The following ICA1 variants were observed in gnomAD, a reference collection of about 807,000 sequenced individuals.
The protein encoded by ICA1 is 69 kDa islet cell autoantigen.
ICA1 carries 40 observed loss-of-function variants against 71.0 expected under a neutral mutation model. The observed-to-expected ratio is 0.56, with a 90% CI of 0.44 to 0.73. The LOEUF is 0.73. Among genes scored for constraint, ICA1 ranks in the 30% least tolerant of loss-of-function variants. ICA1 has a pLI of 0.00. For synonymous variants in ICA1, 207 were observed against 209.5 expected (o/e 0.99, Z 0.10); for missense variants, 578 against 576.5 (o/e 1.00, Z -0.03).
At chr7:8,189,330 T>C (rs1784836146) in intron 6 of ICA1, among the ~76,000 whole-genome samples, 2 of 152,180 alleles carry the variant, frequency 1.3e-5, no homozygotes, top group Non-Finnish European at 2.9e-5. Context: ...TTTAGTACAA[T>C]CCTATTGTCT....
chr7:8,235,840 T>C (rs374574753), intron 2 of ICA1, 70 bp downstream of exon 2: 89 of 1,485,150 alleles, frequency 6.0e-5, no homozygotes, highest in African/African-American at 9.7e-5. Context: ...TTCCATTCAA[T>C]AGATGTTTAT....
At chr7:8,114,068 A>G (rs1274490206) in intron 13 of ICA1, 24 bp from the exon 14 acceptor site, 1 of 1,614,028 alleles carries the variant, frequency 6.2e-7, no homozygotes, top group Admixed American at 1.7e-5. Flanking sequence ...AGGAAACATG[A>G]GCAAACGCAC....
intron 7 of ICA1, 190 bp from the exon 8 acceptor site, chr7:8,157,404 A>C: frequency 1.7e-6 from 1 of 586,042 alleles, no homozygotes; most frequent in Non-Finnish European, 2.9e-6. Flanking sequence ...CTGTTTCCCC[A>C]AATGCTGCCT....
chr7:8,130,778 G>A lies in ICA1; in HGVS notation c.1061-2636C>T, dbSNP rs567948914. On this transcript the variant is annotated intron_variant, in intron 12 of 13. Coordinates refer to ENST00000402384, the MANE Select transcript of ICA1 (RefSeq NM_001136020.3). The surrounding 1 kb of genome is among the most constrained non-coding windows in gnomAD (Gnocchi z 4.2). ...CATTAGCAAGAACAAATAATAAACT[G>A]TAAGCCTTCTAAAAATAACCACAGA... Among the ~76,000 whole-genome samples, 5 of 152,310 alleles carry A rather than the reference G, an allele frequency of 3.3e-5. No homozygotes were observed. Among genetic ancestry groups the A allele is most frequent in the African/African-American group, 1.2e-4 (5 of 41,566 alleles).
At chr7:8,125,969 G>A (rs1468344002) in intron 13 of ICA1, among the ~76,000 whole-genome samples, 2 of 152,182 alleles carry the variant, frequency 1.3e-5, no homozygotes, top group Admixed American at 6.5e-5. Context: ...AATTCCCCAT[G>A]GCCGCTGCCC....
intron 2 of ICA1, among the ~76,000 whole-genome samples, chr7:8,235,663 CAAGAG>C (rs1300359561): frequency 1.3e-5 from 2 of 152,058 alleles, no homozygotes; most frequent in African/African-American, 4.8e-5. Context: ...AGTAGGTTCC[CAAGAG>C]AAAAGTTACA....
intron 6 of ICA1, among the ~76,000 whole-genome samples, chr7:8,212,506 A>C (rs201414068): frequency 2.4e-4 from 1 of 4,228 alleles, no homozygotes; most frequent in Non-Finnish European, 3.3e-4. Flanking sequence ...CGGAGGTTGC[A>C]GTGAGCTGAG....
chr7:8,218,764 G>A lies in ICA1; in HGVS notation c.381-261C>T, dbSNP rs142549955. The A allele has an allele frequency of 1.8e-5, 9 of 496,064 alleles. No individual in the cohort carries two copies. The Admixed American group carries it at 3.0e-4, about 16-fold the overall frequency. The allele number at this position is 496,064 out of a possible 1,614,324, so 30.7% of individuals were successfully genotyped here. The stretch of plus-strand genomic sequence containing the variant: ...CAAGCACCTCCATCCGCGTTGTTGG[G>A]GGTGGTCTTGAGCCTGGGCTGAGTG... On this transcript the variant is annotated intron_variant, in intron 5 of 13. Coordinates refer to ENST00000402384, the MANE Select transcript of ICA1 (RefSeq NM_001136020.3).
At chr7:8,239,001 G>A (rs1242696847) in intron 1 of ICA1, among the ~76,000 whole-genome samples, 1 of 152,144 alleles carries the variant, frequency 6.6e-6, no homozygotes, top group Non-Finnish European at 1.5e-5. Flanking sequence ...ATGGCACACA[G>A]GGAAAATATT....
rs544981923 is a variant in ICA1 at position 8,182,008 on chromosome 7, G to C, written c.580-23356C>G. ...ATGGTAGTTACTTGCAAAGCTTATG[G>C]AAGAAAAACTCAATGCTCCAGTCAA... On this transcript the variant is annotated intron_variant, in intron 6 of 13. Coordinates refer to ENST00000402384, the MANE Select transcript of ICA1 (RefSeq NM_001136020.3). Among the ~76,000 whole-genome samples the C allele has an allele frequency of 2.0e-5, 3 of 152,210 alleles. No individual in the cohort carries two copies. In the East Asian group the frequency reaches 5.8e-4, roughly 29 times the overall value.
At chr7:8,239,072 A>AAG (rs1802830519) in intron 1 of ICA1, among the ~76,000 whole-genome samples, 2 of 152,058 alleles carry the variant, frequency 1.3e-5, no homozygotes, top group Admixed American at 6.5e-5. Context: ...CAAAGGAATC[A>AAG]TAAGTGGTCA....
rs539107859 is a variant in ICA1 at position 8,233,034 on chromosome 7, C to T, written c.18-279G>A. ...GAATGTAGATATAACAGACTAAGCACACCCCTTTTAGAGGTGGAGACAGTG... is the reference window on the plus strand; with the variant it reads ...GAATGTAGATATAACAGACTAAGCATACCCCTTTTAGAGGTGGAGACAGTG... On this transcript the variant is annotated intron_variant, in intron 2 of 13. Coordinates refer to ENST00000402384, the MANE Select transcript of ICA1 (RefSeq NM_001136020.3). Among the ~76,000 whole-genome samples the T allele has an allele frequency of 2.4e-5, 3 of 127,084 alleles. No homozygotes were observed. In the South Asian group the frequency reaches 6.8e-4, roughly 29 times the overall value. 83.4% of individuals were successfully genotyped at this position (127,084 alleles called of 152,430 possible). A position where few individuals can be genotyped will look rare whatever the true frequency, so the allele number is the denominator to read the frequency against.
Position 8,223,857 on chromosome 7 carries a change from A to G in ICA1, c.257-2459T>C, listed in dbSNP as rs1217167378. The stretch of plus-strand genomic sequence containing the variant: ...TGGGACTTGAGAATTCAGAGACAAA[A>G]ACATTTTTATATTTACTTGCTAATT... On this transcript the variant is annotated intron_variant, in intron 4 of 13. Transcript: ENST00000402384. The surrounding 1 kb of genome is among the most constrained non-coding windows in gnomAD (Gnocchi z 4.1). 6.6e-6 allele frequency among the ~76,000 whole-genome samples: 1 copy of G among 152,220 alleles called. No individual in the cohort carries two copies. The highest frequency in any genetic ancestry group is 6.5e-5 in the Admixed American group (1 of 15,274).
chr7:8,227,545 G>A (rs575519480), intron 4 of ICA1: 16 of 292,840 alleles, frequency 5.5e-5, no homozygotes, highest in South Asian at 4.3e-4. Flanking sequence ...TACTAACATA[G>A]ATAATTTATA....
At chr7:8,160,270 C>T (rs1477088611) in intron 6 of ICA1, among the ~76,000 whole-genome samples, 1 of 152,056 alleles carries the variant, frequency 6.6e-6, no homozygotes, top group Non-Finnish European at 1.5e-5. Flanking sequence ...TGAACATATT[C>T]ACAATGTATA....
chr7:8,152,622 T>C (rs1456231236), intron 8 of ICA1, among the ~76,000 whole-genome samples: 39 of 115,128 alleles, frequency 3.4e-4, no homozygotes, highest in Non-Finnish European at 5.8e-4. Flanking sequence ...CATCACCTCT[T>C]CCACCACTAC....
intron 8 of ICA1, among the ~76,000 whole-genome samples, chr7:8,149,265 T>G (rs1355187933): frequency 1.3e-5 from 2 of 152,210 alleles, no homozygotes; most frequent in Non-Finnish European, 2.9e-5. Flanking sequence ...AGTCTCTCAT[T>G]AAAATTGCTC....
chr7:8,168,232 G>A (rs1191131158), intron 6 of ICA1, among the ~76,000 whole-genome samples: 1 of 152,090 alleles, frequency 6.6e-6, no homozygotes, highest in Non-Finnish European at 1.5e-5. Flanking sequence ...CAATTCATAT[G>A]AAAGGATCTA....
intron 6 of ICA1, among the ~76,000 whole-genome samples, chr7:8,177,533 T>C (rs1780989955): frequency 6.6e-6 from 1 of 152,234 alleles, no homozygotes; most frequent in African/African-American, 2.4e-5. Context: ...AATATTTTTA[T>C]CCCATTGGTA....
Sources: allele counts gnomAD v4.1 joint callset (sites outside exome capture counted in the v4.1 genomes callset), GRCh38; gene constraint gnomAD v4.1.1; non-coding constraint Gnocchi (gnomAD v3.1); transcripts MANE v1.5; gene names NCBI Gene and HGNC (gene_info 2026-07-23, HGNC 2026-07-21).